Variants in GALNTL6 observed in about 807,000 individuals in gnomAD.
The protein encoded by GALNTL6 is polypeptide N-acetylgalactosaminyltransferase-like 6.
Under a neutral mutation model 73.7 loss-of-function variants are expected in GALNTL6, and 46 were observed. That is an observed-to-expected ratio of 0.62 (90% CI 0.49 to 0.80). The LOEUF (loss-of-function observed/expected upper bound fraction) is 0.80. GALNTL6 is among the 30% of genes least tolerant of loss of function. The pLI is 0.00. For missense variants in GALNTL6, 604 were observed against 755.0 expected, an observed-to-expected ratio of 0.80 and a Z score of 2.34; for synonymous variants, 259 against 263.7, an observed-to-expected ratio of 0.98 and a Z score of 0.17.
chr4:172,529,778 T>A (rs1271179112), intron 5 of GALNTL6, among the ~76,000 whole-genome samples: 1 of 152,014 alleles, frequency 6.6e-6, no homozygotes, highest in Non-Finnish European at 1.5e-5. Flanking sequence ...GTCTGCCTCT[T>A]GGGCTCAAGT....
At chr4:172,234,753 T>C (rs1006290188) in intron 3 of GALNTL6, among the ~76,000 whole-genome samples, 1 of 152,136 alleles carries the variant, frequency 6.6e-6, no homozygotes, top group Non-Finnish European at 1.5e-5. Context: ...TGGCCCCAAA[T>C]TTTCTATTCT....
At chr4:172,781,634 G>A (rs1169760100) in intron 5 of GALNTL6, among the ~76,000 whole-genome samples, 1 of 151,906 alleles carries the variant, frequency 6.6e-6, no homozygotes, top group African/African-American at 2.4e-5. Context: ...ACAAAATACG[G>A]ATTTCCAAAA....
At chr4:172,208,146 C>A (rs919149821) in intron 2 of GALNTL6, among the ~76,000 whole-genome samples, 29 of 152,168 alleles carry the variant, frequency 1.9e-4, no homozygotes, top group African/African-American at 7.0e-4. Context: ...AAAGTGAGAC[C>A]TGTGACCTGT....
chr4:172,220,739 A>G (rs1305501602), intron 2 of GALNTL6, among the ~76,000 whole-genome samples: 2 of 151,770 alleles, frequency 1.3e-5, no homozygotes, highest in Non-Finnish European at 3.0e-5. Context: ...AATTGTCTTC[A>G]CCATTTAGGA....
At chr4:171,900,487 T>C (rs1333849332) in intron 2 of GALNTL6, among the ~76,000 whole-genome samples, 1 of 149,374 alleles carries the variant, frequency 6.7e-6, no homozygotes, top group Non-Finnish European at 1.5e-5. Flanking sequence ...TTTTGTATTT[T>C]TTTTTTTTTT....
intron 5 of GALNTL6, among the ~76,000 whole-genome samples, chr4:172,436,771 T>C (rs1731647982): frequency 1.3e-5 from 2 of 152,110 alleles, no homozygotes. Flanking sequence ...GTTGTTGTCA[T>C]GTTCCCTATA....
intron 5 of GALNTL6, among the ~76,000 whole-genome samples, chr4:172,501,421 A>G (rs568507490): frequency 1.3e-5 from 2 of 152,304 alleles, no homozygotes; most frequent in Admixed American, 6.5e-5. Context: ...GATATGTAAA[A>G]TGGACCCCCA....
At chr4:172,206,903 C>T (rs978555149) in intron 2 of GALNTL6, among the ~76,000 whole-genome samples, 39 of 147,408 alleles carry the variant, frequency 2.6e-4, no homozygotes, top group Non-Finnish European at 4.3e-4. Flanking sequence ...CTGCAAGCTC[C>T]GCCTCTCGGG....
intron 5 of GALNTL6, among the ~76,000 whole-genome samples, chr4:172,627,689 T>C (rs1212657167): frequency 6.6e-6 from 1 of 152,076 alleles, no homozygotes; most frequent in Non-Finnish European, 1.5e-5. Context: ...AACTTGATAC[T>C]GGTTTGCTTA....
intron 3 of GALNTL6, among the ~76,000 whole-genome samples, chr4:172,258,005 C>T (rs1738140686): frequency 6.6e-6 from 1 of 151,290 alleles, no homozygotes; most frequent in Admixed American, 6.6e-5. Flanking sequence ...CCGTGTGTAA[C>T]ATTCTCAGTA....
intron 4 of GALNTL6, among the ~76,000 whole-genome samples, chr4:172,327,452 G>A (rs1450027690): frequency 1.3e-5 from 2 of 152,114 alleles, no homozygotes; most frequent in East Asian, 1.9e-4. Context: ...GAATATCATT[G>A]TTAACTTTCT....
intron 3 of GALNTL6, among the ~76,000 whole-genome samples, chr4:172,235,838 T>A (rs191835316): frequency 6.6e-6 from 1 of 152,222 alleles, no homozygotes; most frequent in East Asian, 1.9e-4. Flanking sequence ...TCCCATCTTT[T>A]TGTCCAGGTA....
chr4:172,127,287 C>T (rs1236782494), intron 2 of GALNTL6, among the ~76,000 whole-genome samples: 29 of 152,234 alleles, frequency 1.9e-4, no homozygotes, highest in Admixed American at 1.9e-3. Context: ...CATCTGAGAG[C>T]CTGGGAACTA....
intron 5 of GALNTL6, among the ~76,000 whole-genome samples, chr4:172,478,603 A>G (rs1321764485): frequency 6.6e-6 from 1 of 152,216 alleles, no homozygotes; most frequent in Non-Finnish European, 1.5e-5. Flanking sequence ...GGCCTAGGCA[A>G]AGAGTTTATG....
At chr4:172,877,508 A>G (rs1745250412) in intron 7 of GALNTL6, among the ~76,000 whole-genome samples, 1 of 152,014 alleles carries the variant, frequency 6.6e-6, no homozygotes, top group African/African-American at 2.4e-5. Context: ...TGTTTTCCTG[A>G]TACCAAATAA....
rs1038000012 is a variant in GALNTL6, at chr4:172,776,426, G to A, written c.554-32935G>A. On this transcript the variant is annotated intron_variant, in intron 5 of 12. Coordinates refer to ENST00000506823, the MANE Select transcript of GALNTL6 (RefSeq NM_001034845.3). Reference sequence around the variant, plus strand: ...AATATTTGTAGCTTAAAAAACAAGTGTCCAGTGTTGTGCTGCATTGACTAG... The same window carrying A: ...AATATTTGTAGCTTAAAAAACAAGTATCCAGTGTTGTGCTGCATTGACTAG... 6.6e-5 allele frequency among the ~76,000 whole-genome samples: 10 copies of A among 152,270 alleles called. No homozygotes were observed. The South Asian group carries it at 1.0e-3, about 16-fold the overall frequency.
intron 2 of GALNTL6, among the ~76,000 whole-genome samples, chr4:172,206,814 GT>G (rs796625697): frequency 8.6e-5 from 5 of 57,962 alleles, no homozygotes; most frequent in Admixed American, 2.4e-4. Context: ...TGTTTTTTTT[GT>G]TTGTTTTTTT....
At chr4:172,745,446 T>TATATATATATATACACACAC (rs34523518) in intron 5 of GALNTL6, among the ~76,000 whole-genome samples, 1 of 145,244 alleles carries the variant, frequency 6.9e-6, no homozygotes, top group Non-Finnish European at 1.5e-5. Flanking sequence ...TATATATATG[T>TATATATATATATACACACAC]ACACATAACT....
At chr4:172,568,647 A>C (rs1272052204) in intron 5 of GALNTL6, among the ~76,000 whole-genome samples, 1 of 148,274 alleles carries the variant, frequency 6.7e-6, no homozygotes, top group Non-Finnish European at 1.5e-5. Context: ...AGTCCCAGCT[A>C]CTCGGGAGGC....
Sources: gnomAD v4.1 joint callset for allele counts (sites outside exome capture counted in the v4.1 genomes callset) on GRCh38, gnomAD v4.1.1 for gene constraint, MANE v1.5 for transcripts, NCBI Gene and HGNC (gene_info 2026-07-23, HGNC 2026-07-21) for gene names.